MSTO1: variants seen among roughly 807,000 people sequenced by gnomAD.
MSTO1 encodes misato mitochondrial distribution and morphology regulator 1.
MSTO1 carries 24 observed loss-of-function variants against 55.7 expected under a neutral mutation model. The observed-to-expected ratio is 0.43, with a 90% confidence interval of 0.31 to 0.61. The LOEUF (loss-of-function observed/expected upper bound fraction) is 0.61. Among genes scored for constraint, MSTO1 ranks in the 20% least tolerant of loss-of-function variants. The pLI is 0.09. For missense variants in MSTO1, 363 were observed against 625.7 expected (o/e 0.58, Z 4.48); for synonymous variants, 162 against 252.8 (o/e 0.64, Z 3.41).
chr1:155,604,235 T>A, the MSTO1 span, among the ~76,000 whole-genome samples: 1 of 152,216 alleles, frequency 6.6e-6, no homozygotes, highest in Non-Finnish European at 1.5e-5. Flanking sequence ...CCTGCCTTTC[T>A]GGCCTCACCT....
the MSTO1 span, chr1:155,602,062 CT>C: frequency 8.6e-5 from 56 of 653,840 alleles, 1 homozygote; most frequent in East Asian, 9.8e-4. Context: ...CCTCTTCTGC[CT>C]TTTTTTAAGC....
exon 1 of MSTO1, chr1:155,610,208 CGGCGCGGCTGA>C (rs1192969989): frequency 1.4e-6 from 1 of 714,960 alleles, no homozygotes; most frequent in Non-Finnish European, 2.3e-6. Context: ...GAGCAGCGAG[CGGCGCGGCTGA>C]GGCGCGGCGG....
chr1:155,609,641 G>T (rs564912595), upstream of MSTO1: 28 of 152,578 alleles, frequency 1.8e-4, 1 homozygote, highest in African/African-American at 6.3e-4. Flanking sequence ...GCAAAAATAT[G>T]AATTACATAA....
the MSTO1 span, among the ~76,000 whole-genome samples, chr1:155,603,904 G>A: frequency 6.6e-6 from 1 of 151,422 alleles, no homozygotes; most frequent in East Asian, 1.9e-4. Context: ...TTTTTTTTTG[G>A]TAGAAGTTCT....
chr1:155,600,068 T>C, the MSTO1 span, among the ~76,000 whole-genome samples: 8 of 152,276 alleles, frequency 5.3e-5, no homozygotes, highest in Non-Finnish European at 7.4e-5. Context: ...TACTAATCCT[T>C]CTCAGCACAG....
the MSTO1 span, among the ~76,000 whole-genome samples, chr1:155,584,562 T>C: frequency 6.8e-6 from 1 of 146,982 alleles, no homozygotes; most frequent in African/African-American, 2.5e-5. Context: ...TCCCAGCTGC[T>C]TGGAAGGCTG....
At position 155,610,512 on chromosome 1, in the gene MSTO1, C is replaced by T. The variant is rs1440554581; in HGVS notation, c.172C>T (p.His58Tyr). 2 of 881,466 alleles carry T rather than the reference C, an allele frequency of 2.3e-6. No homozygotes were observed. Among genetic ancestry groups the T allele is most frequent in the Admixed American group, 4.8e-5 (2 of 41,340 alleles). 54.6% of individuals were successfully genotyped at this position (881,466 alleles called of 1,614,324 possible). The change falls in exon 2 of 14, where the codon CAC becomes TAC. Residue 58 changes from histidine to tyrosine, a missense_variant. By Grantham distance (83) the His-to-Tyr change is moderately conservative. Transcript: ENST00000245564. ...CCTGTATCGTACGGGCCGGACGCTG[C>T]ACGGCCAGGAGACCTACACGCCGCG... ...DVLYRTGRTL[H>Y]GQETYTPRLI...
At chr1:155,608,055 G>A (rs561121629), upstream of MSTO1, among the ~76,000 whole-genome samples, 2 of 152,058 alleles carry the variant, frequency 1.3e-5, no homozygotes, top group South Asian at 4.2e-4. Flanking sequence ...GCTCAGAAGA[G>A]ATAAGAGCAT....
the MSTO1 span, chr1:155,586,842 G>A: frequency 7.6e-6 from 2 of 262,210 alleles, no homozygotes; most frequent in Admixed American, 9.1e-5. Flanking sequence ...CTGCCTTCCA[G>A]GTTCAAGCAA....
the MSTO1 span, among the ~76,000 whole-genome samples, chr1:155,601,295 G>A: frequency 2.0e-5 from 3 of 150,340 alleles, no homozygotes; most frequent in Admixed American, 6.7e-5. Context: ...CACCACGCCC[G>A]GCTATTTTTT....
chr1:155,586,697 C>T, the MSTO1 span: 1 of 518,070 alleles, frequency 1.9e-6, no homozygotes, highest in Non-Finnish European at 3.9e-6. Context: ...TCTCTAGGAT[C>T]CATAAGGTGA....
the MSTO1 span, among the ~76,000 whole-genome samples, chr1:155,575,797 T>A: frequency 1.1e-5 from 1 of 94,358 alleles, no homozygotes; most frequent in African/African-American, 6.1e-5. Flanking sequence ...TTATTTTATT[T>A]TTATTTATTT....
At chr1:155,599,430 C>T in the MSTO1 span, among the ~76,000 whole-genome samples, 4 of 151,852 alleles carry the variant, frequency 2.6e-5, no homozygotes, top group Admixed American at 2.0e-4. Context: ...TTATTTTTTG[C>T]CATCGGTTAA....
At chr1:155,563,560 A>G in the MSTO1 span, 1 of 456,376 alleles carries the variant, frequency 2.2e-6, no homozygotes, top group East Asian at 6.9e-5. Flanking sequence ...TCCATATGCG[A>G]TGATGTTTGT....
the MSTO1 span, chr1:155,602,149 G>T: frequency 4.2e-6 from 3 of 709,840 alleles, no homozygotes; most frequent in South Asian, 2.7e-5. Flanking sequence ...AACCTTTAGA[G>T]GTTTCAACCT....
chr1:155,582,166 C>G, the MSTO1 span, among the ~76,000 whole-genome samples: 3 of 152,158 alleles, frequency 2.0e-5, no homozygotes, highest in African/African-American at 7.2e-5. Context: ...GCTGGGATTA[C>G]AGGCGTGAGC....
At chr1:155,604,035 C>T in the MSTO1 span, among the ~76,000 whole-genome samples, 2 of 152,030 alleles carry the variant, frequency 1.3e-5, no homozygotes, top group Non-Finnish European at 2.9e-5. Context: ...TGGATATCAC[C>T]AAGCCTCTAG....
At chr1:155,585,994 C>G in the MSTO1 span, among the ~76,000 whole-genome samples, 1 of 152,002 alleles carries the variant, frequency 6.6e-6, no homozygotes, top group Non-Finnish European at 1.5e-5. Context: ...TTTTGAGATC[C>G]ATATTGATGA....
chr1:155,602,294 T>C, the MSTO1 span: 2 of 304,950 alleles, frequency 6.6e-6, no homozygotes, highest in South Asian at 3.1e-5. Context: ...GCGACCAACA[T>C]GGAGAAACCC....
Sources: allele counts gnomAD v4.1 joint callset (sites outside exome capture counted in the v4.1 genomes callset), GRCh38; gene constraint gnomAD v4.1.1; transcripts MANE v1.5; gene names NCBI Gene and HGNC (gene_info 2026-07-23, HGNC 2026-07-21).